The following SLC9A9 variants were observed in gnomAD, a reference collection of about 807,000 sequenced individuals.
SLC9A9 encodes solute carrier family 9 member A9, also known as sodium/hydrogen exchanger 9.
In SLC9A9, 62 loss-of-function variants were observed where a neutral mutation model predicts 77.8. That is an observed-to-expected ratio of 0.80 (90% CI 0.65 to 0.98). SLC9A9 has a LOEUF of 0.98. Among genes scored for constraint, SLC9A9 ranks in the 50% least tolerant of loss-of-function variants. The pLI, the probability that SLC9A9 is intolerant of heterozygous loss-of-function variation, is 0.00. For synonymous variants in SLC9A9, 320 were observed against 283.5 expected (o/e 1.13, Z -1.29); for missense variants, 775 against 774.9 (o/e 1.00, Z 0.00).
At chr3:143,829,118 A>G (rs1017133071) in intron 2 of SLC9A9, among the ~76,000 whole-genome samples, 1 of 152,108 alleles carries the variant, frequency 6.6e-6, no homozygotes, top group South Asian at 2.1e-4. Context: ...CCATCTATGA[A>G]ATGATGAGGT....
intron 2 of SLC9A9, among the ~76,000 whole-genome samples, chr3:143,826,381 G>A (rs946059021): frequency 6.6e-6 from 1 of 152,074 alleles, no homozygotes. Context: ...ACATGACCAG[G>A]GTAGCAGAGG....
At chr3:143,337,011 A>C (rs549747250) in intron 14 of SLC9A9, among the ~76,000 whole-genome samples, 3 of 152,320 alleles carry the variant, frequency 2.0e-5, no homozygotes, top group Non-Finnish European at 4.4e-5. Flanking sequence ...GGTTTGCTAC[A>C]CAGTTCCTTT....
chr3:143,747,503 A>C (rs915103022), intron 4 of SLC9A9, among the ~76,000 whole-genome samples: 1 of 152,214 alleles, frequency 6.6e-6, no homozygotes, highest in Non-Finnish European at 1.5e-5. Flanking sequence ...TGGACCCTAA[A>C]TGCAATCACT....
chr3:143,612,685 GAC>G (rs2038042247), intron 6 of SLC9A9, among the ~76,000 whole-genome samples: 1 of 152,194 alleles, frequency 6.6e-6, no homozygotes, highest in South Asian at 2.1e-4. Context: ...GATTTGAAAT[GAC>G]AGGTATGGGA....
chr3:143,486,022 T>C (rs1232488433), intron 11 of SLC9A9, among the ~76,000 whole-genome samples: 1 of 152,038 alleles, frequency 6.6e-6, no homozygotes, highest in African/African-American at 2.4e-5. Flanking sequence ...ATGTTGAAAG[T>C]ACCAAGAGAG....
chr3:143,580,450 T>A (rs2037433652), intron 6 of SLC9A9, among the ~76,000 whole-genome samples: 1 of 152,222 alleles, frequency 6.6e-6, no homozygotes, highest in African/African-American at 2.4e-5. Context: ...CCTGGCCTGG[T>A]GCTTCTGGAA....
chr3:143,753,016 G>T (rs1474995176), intron 4 of SLC9A9, among the ~76,000 whole-genome samples: 1 of 152,112 alleles, frequency 6.6e-6, no homozygotes, highest in Non-Finnish European at 1.5e-5. Context: ...ACTCACTTAG[G>T]TACTCCATCC....
intron 4 of SLC9A9, among the ~76,000 whole-genome samples, chr3:143,704,165 C>T (rs1172730873): frequency 6.6e-6 from 1 of 152,176 alleles, no homozygotes; most frequent in Admixed American, 6.5e-5. Flanking sequence ...AATGCCAACT[C>T]TGCTCAAACT....
intron 11 of SLC9A9, among the ~76,000 whole-genome samples, chr3:143,480,422 C>G (rs756111488): frequency 6.6e-6 from 1 of 152,230 alleles, no homozygotes; most frequent in Non-Finnish European, 1.5e-5. Context: ...ATCTGCAATT[C>G]ATATGGGTCT....
intron 1 of SLC9A9, among the ~76,000 whole-genome samples, chr3:143,844,743 TTCTTTC>T (rs1196824289): frequency 6.9e-6 from 1 of 145,926 alleles, no homozygotes; most frequent in Non-Finnish European, 1.5e-5. Context: ...CTTTCTTTCT[TTCTTTC>T]TTTCTTTCTT....
chr3:143,429,404 T>G (rs1316242677), intron 12 of SLC9A9, among the ~76,000 whole-genome samples: 1 of 152,170 alleles, frequency 6.6e-6, no homozygotes, highest in Non-Finnish European at 1.5e-5. Flanking sequence ...TAGGACTGTG[T>G]GAAAGCAGCT....
At chr3:143,815,280 C>T (rs188338708) in intron 2 of SLC9A9, among the ~76,000 whole-genome samples, 2 of 152,200 alleles carry the variant, frequency 1.3e-5, no homozygotes, top group Admixed American at 6.5e-5. Flanking sequence ...TCCATTTCTC[C>T]AGGTGTTTAC....
At chr3:143,636,570 C>G (rs929967120) in intron 6 of SLC9A9, among the ~76,000 whole-genome samples, 1 of 152,108 alleles carries the variant, frequency 6.6e-6, no homozygotes, top group Non-Finnish European at 1.5e-5. Flanking sequence ...TATCCATCAC[C>G]CAAATGGTGA....
intron 4 of SLC9A9, among the ~76,000 whole-genome samples, chr3:143,782,929 G>C (rs565236622): frequency 5.9e-5 from 9 of 152,256 alleles, no homozygotes; most frequent in Non-Finnish European, 1.2e-4. Context: ...AGTTGCCCAT[G>C]ATGGCCTTAA....
At chr3:143,481,651 G>T (rs961776583) in intron 11 of SLC9A9, among the ~76,000 whole-genome samples, 12 of 152,190 alleles carry the variant, frequency 7.9e-5, no homozygotes, top group African/African-American at 2.9e-4. Flanking sequence ...ATGTGCACAT[G>T]AATTACCTAG....
Position 143,266,373 on chromosome 3 carries a change from C to T in SLC9A9, c.*329G>A, listed in dbSNP as rs189063774. On this transcript the variant is annotated 3_prime_UTR_variant, in exon 16 of 16. Transcript: ENST00000316549. The stretch of plus-strand genomic sequence containing the variant: ...AATAGAAGTGAAGGGCCTGGAGAGC[C>T]GCATTCGCAGCAGAAATGCCCTGAA... The T allele has an allele frequency of 6.4e-5, 35 of 549,500 alleles. No individual in the cohort carries two copies. The highest frequency in any genetic ancestry group is 2.6e-4 in the South Asian group (12 of 46,464). 34.0% of individuals were successfully genotyped at this position (549,500 alleles called of 1,614,324 possible).
chr3:143,365,363 CCTGT>C (rs1221370110), intron 13 of SLC9A9, among the ~76,000 whole-genome samples: 5 of 152,104 alleles, frequency 3.3e-5, no homozygotes, highest in African/African-American at 1.2e-4. Context: ...ATCACAAACC[CCTGT>C]GACACAAGTT....
chr3:143,717,380 G>T (rs985587960), intron 4 of SLC9A9, among the ~76,000 whole-genome samples: 1 of 152,158 alleles, frequency 6.6e-6, no homozygotes, highest in Non-Finnish European at 1.5e-5. Context: ...TAATTCCTCA[G>T]CTACCATAGA....
At chr3:143,296,092 C>G (rs1240389362) in intron 14 of SLC9A9, among the ~76,000 whole-genome samples, 2 of 152,184 alleles carry the variant, frequency 1.3e-5, no homozygotes, top group Non-Finnish European at 2.9e-5. Flanking sequence ...GAGGCCTACC[C>G]TCTTCACAAA....
Sources: allele counts gnomAD v4.1 joint callset (sites outside exome capture counted in the v4.1 genomes callset), GRCh38; gene constraint gnomAD v4.1.1; transcripts MANE v1.5; gene names NCBI Gene and HGNC (gene_info 2026-07-23, HGNC 2026-07-21).